The following FAM169A variants were observed in gnomAD, a reference collection of about 807,000 sequenced individuals.
FAM169A encodes the protein soluble lamin-associated protein of 75 kDa.
Under a neutral mutation model 75.7 loss-of-function variants are expected in FAM169A, and 24 were observed. The ratio of observed to expected loss-of-function variants is 0.32; its 90% CI spans 0.23 to 0.45. The LOEUF (loss-of-function observed/expected upper bound fraction) is 0.45. FAM169A is among the 20% of genes least tolerant of loss of function. The pLI is 1.00. For synonymous variants in FAM169A, 271 were observed against 271.0 expected (o/e 1.00, Z 0.00); for missense variants, 673 against 784.0 (o/e 0.86, Z 1.69).
In FAM169A at chr5:74,853,485, C is replaced by T. The variant is rs367635515; in HGVS notation, c.-3-11806G>A. On this transcript the variant is annotated intron_variant, in intron 1 of 12. Transcript: ENST00000687041. ...GGAAGTGGCCAAGTCCAGCTCTGAG[C>T]CTAGGCAATCTGTCTCCAGAGGGGT... is the stretch of plus-strand genomic sequence containing the variant. Among the ~76,000 whole-genome samples, 238 of 152,172 alleles carry T rather than the reference C, an allele frequency of 1.6e-3. 10 individuals are homozygous for T. In the South Asian group the frequency reaches 0.046, roughly 30 times the overall value.
At chr5:74,805,683 G>A (rs748036503) in intron 6 of FAM169A, among the ~76,000 whole-genome samples, 8 of 151,380 alleles carry the variant, frequency 5.3e-5, no homozygotes, top group African/African-American at 1.9e-4. Flanking sequence ...GGCACCCACC[G>A]CCATGCCTGG....
chr5:74,801,023 A>C lies in FAM169A; in HGVS notation c.960T>G (p.Asp320Glu). 1.3e-6 allele frequency: 2 copies of C among 1,548,056 alleles called. No individual in the cohort carries two copies. The highest frequency in any genetic ancestry group is 1.7e-6 in the Non-Finnish European group (2 of 1,148,556). The change falls in exon 10 of 13, where the codon GAT (aspartate) becomes GAG (glutamate). Residue 320 changes from aspartate to glutamate, a missense_variant. Asp to Glu is a conservative substitution (Grantham distance 45). Coordinates refer to ENST00000687041, the MANE Select transcript of FAM169A (RefSeq NM_001376049.1). ...DAFASTSEGHDKTSVSTHTRS... is the reference protein window; with the variant it reads ...DAFASTSEGHEKTSVSTHTRS... ...GAGTATGAGTGGAAACAGATGTTTT[A>C]TCATGACCTGAGGAGAAAAACAGCA... is the stretch of plus-strand genomic sequence containing the variant.
intron 1 of FAM169A, chr5:74,848,498 T>C (rs1190503754): frequency 6.6e-6 from 1 of 152,182 alleles, no homozygotes; most frequent in Admixed American, 6.5e-5. Flanking sequence ...TTTTGTAAAA[T>C]ATAACGATTA....
chr5:74,795,904 T>C, intron 11 of FAM169A, 126 bp downstream of exon 11: 2 of 942,418 alleles, frequency 2.1e-6, no homozygotes, highest in Non-Finnish European at 3.1e-6. Flanking sequence ...ATATATATGA[T>C]TTTTAACACT....
At chr5:74,847,671 AT>A (rs1199356052) in intron 1 of FAM169A, among the ~76,000 whole-genome samples, 3 of 152,222 alleles carry the variant, frequency 2.0e-5, no homozygotes, top group Admixed American at 2.0e-4. Context: ...CGCCAGTAGT[AT>A]GTCAGCACAT....
intron 1 of FAM169A, among the ~76,000 whole-genome samples, chr5:74,847,971 T>G (rs555510557): frequency 6.6e-6 from 1 of 152,298 alleles, no homozygotes; most frequent in South Asian, 2.1e-4. Flanking sequence ...AGTTAAATGT[T>G]GTGATTTCTG....
intron 11 of FAM169A, among the ~76,000 whole-genome samples, chr5:74,785,704 G>A (rs1195416154): frequency 6.6e-6 from 1 of 152,210 alleles, no homozygotes; most frequent in Non-Finnish European, 1.5e-5. Context: ...GGAGGTTGTA[G>A]TGAGCTGAGT....
intron 1 of FAM169A, among the ~76,000 whole-genome samples, chr5:74,859,425 G>A (rs1749920235): frequency 6.6e-6 from 1 of 151,144 alleles, no homozygotes; most frequent in Non-Finnish European, 1.5e-5. Flanking sequence ...GAGTAGCTGG[G>A]ATTACAGGCA....
At chr5:74,806,050 G>A (rs1055078051) in intron 6 of FAM169A, among the ~76,000 whole-genome samples, 19 of 147,996 alleles carry the variant, frequency 1.3e-4, no homozygotes, top group Middle Eastern at 3.6e-3. Context: ...ACTTGTCCAA[G>A]TAGATACCAA....
chr5:74,824,520 G>A (rs1747917354), intron 5 of FAM169A, among the ~76,000 whole-genome samples: 1 of 152,034 alleles, frequency 6.6e-6, no homozygotes, highest in Non-Finnish European at 1.5e-5. Context: ...AGGCTGAGAA[G>A]GATTTATAAA....
At chr5:74,818,799 CTCTCTATATATA>C (rs1481902076) in intron 5 of FAM169A, among the ~76,000 whole-genome samples, 20 of 125,980 alleles carry the variant, frequency 1.6e-4, no homozygotes, top group African/African-American at 6.5e-4. Context: ...CTCTCTCTCT[CTCTCTATATATA>C]TATATATATA....
chr5:74,811,456 A>T (rs1444184246), intron 6 of FAM169A, among the ~76,000 whole-genome samples: 1 of 152,196 alleles, frequency 6.6e-6, no homozygotes, highest in East Asian at 1.9e-4. Flanking sequence ...CACAATGCCC[A>T]TCCCACTCTC....
chr5:74,857,571 G>GAAAA lies in FAM169A; in HGVS notation c.-4+8593_-4+8594insTTTT, dbSNP rs1561328873. 7.4e-3 allele frequency among the ~76,000 whole-genome samples: 485 copies of GAAAA among 65,690 alleles called. 14 individuals carry two copies. The highest frequency in any genetic ancestry group is 0.011 in the Non-Finnish European group (369 of 34,604). The allele number at this position is 65,690 out of a possible 152,430, so 43.1% of individuals were successfully genotyped here. ...GGTGACAGAGCCAGACCTTGCCGCG[G>GAAAA]GAAAAAAAAAAAAAAAAAAAAAAAA... On this transcript the variant is annotated intron_variant, in intron 1 of 12. Coordinates refer to ENST00000687041, the MANE Select transcript of FAM169A (RefSeq NM_001376049.1).
At chr5:74,808,171 C>CA (rs1349314740) in intron 6 of FAM169A, among the ~76,000 whole-genome samples, 3 of 152,138 alleles carry the variant, frequency 2.0e-5, no homozygotes, top group African/African-American at 7.2e-5. Flanking sequence ...ATCTGTACAC[C>CA]AACATTCATT....
intron 11 of FAM169A, among the ~76,000 whole-genome samples, chr5:74,783,984 T>G (rs1269961795): frequency 6.6e-6 from 1 of 151,998 alleles, no homozygotes; most frequent in Admixed American, 6.6e-5. Context: ...AGTAAAAAAT[T>G]TATTAAATTG....
chr5:74,837,527 A>C (rs538453510), intron 4 of FAM169A, among the ~76,000 whole-genome samples: 118 of 152,136 alleles, frequency 7.8e-4, no homozygotes, highest in South Asian at 4.4e-3. Flanking sequence ...AAAGTTCCCA[A>C]CTCAAAGGGA....
At chr5:74,784,259 G>A (rs1372644013) in intron 11 of FAM169A, among the ~76,000 whole-genome samples, 1 of 151,938 alleles carries the variant, frequency 6.6e-6, no homozygotes, top group Admixed American at 6.6e-5. Flanking sequence ...AAGGCAAGTA[G>A]GAGAAGAGTC....
intron 10 of FAM169A, chr5:74,799,194 C>T (rs1220850250): frequency 1.3e-5 from 16 of 1,215,444 alleles, no homozygotes; most frequent in Middle Eastern, 3.8e-4. Context: ...ATGACCACAT[C>T]GTCACTTGTG....
At chr5:74,858,621 A>G (rs1393475856) in intron 1 of FAM169A, among the ~76,000 whole-genome samples, 1 of 152,102 alleles carries the variant, frequency 6.6e-6, no homozygotes, top group Non-Finnish European at 1.5e-5. Context: ...TCAAAAAGCT[A>G]CCTATCAGGT....
Sources: allele counts gnomAD v4.1 joint callset (sites outside exome capture counted in the v4.1 genomes callset), GRCh38; gene constraint gnomAD v4.1.1; transcripts MANE v1.5; gene names NCBI Gene and HGNC (gene_info 2026-07-23, HGNC 2026-07-21).